The following SH3RF3 variants were observed in gnomAD, a reference collection of about 807,000 sequenced individuals.
The protein encoded by SH3RF3 is SH3 domain containing ring finger 3.
In SH3RF3, 29 loss-of-function variants were observed where a neutral mutation model predicts 66.3. The observed-to-expected ratio is 0.44, with a 90% confidence interval of 0.33 to 0.60. The LOEUF (loss-of-function observed/expected upper bound fraction) is 0.60, where lower values mean the gene tolerates loss of function less well. Among genes scored for constraint, SH3RF3 ranks in the 20% least tolerant of loss-of-function variants. SH3RF3 has a pLI of 0.04. For missense variants in SH3RF3, 1,194 were observed against 1,190.9 expected (o/e 1.00, Z -0.04); for synonymous variants, 583 against 532.0 (o/e 1.10, Z -1.32).
chr2:109,277,156 G>A (rs1680776436), intron 1 of SH3RF3, among the ~76,000 whole-genome samples: 1 of 152,278 alleles, frequency 6.6e-6, no homozygotes. Context: ...TCAGCCTTCT[G>A]TATCTTCATT....
chr2:109,347,161 T>G (rs1682729115), intron 1 of SH3RF3, among the ~76,000 whole-genome samples: 1 of 152,336 alleles, frequency 6.6e-6, no homozygotes, highest in South Asian at 2.1e-4. Flanking sequence ...AAAAAATGGT[T>G]GGATACTTGC....
intron 1 of SH3RF3, among the ~76,000 whole-genome samples, chr2:109,249,528 TTTCTTTCCTTCCTTCCTTCC>T (rs1680018708): frequency 9.6e-6 from 1 of 103,812 alleles, no homozygotes; most frequent in Non-Finnish European, 2.0e-5. Context: ...TTTTTCTTTC[TTTCTTTCCTTCCTTCCTTCC>T]TTCCTTCCTT....
chr2:109,143,902 A>G (rs1044375969), intron 1 of SH3RF3, among the ~76,000 whole-genome samples: 1 of 152,208 alleles, frequency 6.6e-6, no homozygotes. Flanking sequence ...TTGTGATGGC[A>G]TGGATGAGCC....
intron 1 of SH3RF3, among the ~76,000 whole-genome samples, chr2:109,293,374 A>G (rs182024380): frequency 6.6e-6 from 1 of 152,238 alleles, no homozygotes; most frequent in Non-Finnish European, 1.5e-5. Context: ...AATCTGGGAA[A>G]GGGGCTGCAG....
At chr2:109,249,543 C>T (rs1260044197) in intron 1 of SH3RF3, among the ~76,000 whole-genome samples, 4 of 110,372 alleles carry the variant, frequency 3.6e-5, no homozygotes, top group African/African-American at 1.5e-4. Flanking sequence ...TTCCTTCCTT[C>T]CTTCCTTCCT....
At chr2:109,410,434 C>G (rs1676558624) in intron 4 of SH3RF3, among the ~76,000 whole-genome samples, 1 of 152,226 alleles carries the variant, frequency 6.6e-6, no homozygotes, top group South Asian at 2.1e-4. Flanking sequence ...GCTCCGTGCA[C>G]CCAGGGGGCA....
chr2:109,338,611 G>T (rs1682483251), intron 1 of SH3RF3, among the ~76,000 whole-genome samples: 1 of 152,186 alleles, frequency 6.6e-6, no homozygotes, highest in African/African-American at 2.4e-5. Flanking sequence ...AGACTGGAAT[G>T]CAGTGGTACG....
Position 109,154,085 on chromosome 2 carries a change from A to G in SH3RF3, c.573+23972A>G, listed in dbSNP as rs186620374. ...ATGCATCAAAGTATGAACACTGTCA[A>G]TATGCTGTGGTTGCCAGACTTTTAT... is the stretch of plus-strand genomic sequence containing the variant. On this transcript the variant is annotated intron_variant, in intron 1 of 9. Coordinates refer to ENST00000309415, the MANE Select transcript of SH3RF3 (RefSeq NM_001099289.3). Among the ~76,000 whole-genome samples the G allele has an allele frequency of 1.4e-4, 21 of 152,294 alleles. No individual in the cohort carries two copies. The East Asian group carries it at 3.7e-3, about 27-fold the overall frequency.
chr2:109,199,603 G>GTTCC (rs1678605742), intron 1 of SH3RF3, among the ~76,000 whole-genome samples: 5 of 252 alleles, frequency 0.02, no homozygotes, highest in Non-Finnish European at 0.025. Flanking sequence ...GGAATGGAAT[G>GTTCC]GAATGGAATG....
chr2:109,403,506 G>T lies in SH3RF3; in HGVS notation c.1299+4563G>T, dbSNP rs894200986. Among the ~76,000 whole-genome samples, 6 of 152,238 alleles carry T rather than the reference G, an allele frequency of 3.9e-5. 1 individual carries two copies. The highest frequency in any genetic ancestry group is 3.3e-4 in the Admixed American group (5 of 15,288). ...CCTGGCCTTCCAGGGCCCCACTCTT[G>T]TCAGGACATGGTTATCACTTAACTT... On this transcript the variant is annotated intron_variant, in intron 4 of 9. Transcript: ENST00000309415.
chr2:109,408,146 G>T (rs990942998), intron 4 of SH3RF3, among the ~76,000 whole-genome samples: 1 of 152,172 alleles, frequency 6.6e-6, no homozygotes. Context: ...GCCACATCCT[G>T]CAGGGATCCA....
At chr2:109,248,690 ATTTC>A (rs1415053616) in intron 1 of SH3RF3, among the ~76,000 whole-genome samples, 3 of 151,888 alleles carry the variant, frequency 2.0e-5, no homozygotes, top group Non-Finnish European at 4.4e-5. Context: ...GAAGTACTGC[ATTTC>A]TTTCCTTTCC....
intron 2 of SH3RF3, among the ~76,000 whole-genome samples, chr2:109,367,789 T>A (rs937431105): frequency 3.3e-5 from 5 of 152,244 alleles, no homozygotes; most frequent in Non-Finnish European, 7.3e-5. Flanking sequence ...TTCTGCACAC[T>A]TGATTTTTCT....
At chr2:109,345,898 TTA>T (rs539344377) in intron 1 of SH3RF3, among the ~76,000 whole-genome samples, 7 of 152,314 alleles carry the variant, frequency 4.6e-5, no homozygotes, top group African/African-American at 1.7e-4. Flanking sequence ...TCTTTACTTG[TTA>T]CATGTTGGTA....
intron 1 of SH3RF3, among the ~76,000 whole-genome samples, chr2:109,313,812 G>A (rs996660173): frequency 2.0e-5 from 3 of 152,250 alleles, no homozygotes; most frequent in Non-Finnish European, 4.4e-5. Flanking sequence ...GAAACAGAGG[G>A]GCTTATTCCA....
rs1244082462 is a variant in SH3RF3, at chr2:109,449,360, A to G, written c.2019A>G (p.Ser673=). The G allele has an allele frequency of 6.2e-7, 1 of 1,609,122 alleles. No homozygotes were observed. The highest frequency in any genetic ancestry group is 1.3e-5 in the African/African-American group (1 of 74,958). The stretch of plus-strand genomic sequence containing the variant: ...CCATCCCCCTCACATCAGCAGCATC[A>G]GCCATCACACCTCCCAACGTCAGTG... ...RPAIPLTSAA[S]AITPPNVSAA... Residue 673 remains serine, a synonymous_variant, in exon 8 of 10, where the codon TCA becomes TCG. Coordinates refer to ENST00000309415, the MANE Select transcript of SH3RF3 (RefSeq NM_001099289.3).
chr2:109,438,123 C>T (rs1231943329), intron 7 of SH3RF3, among the ~76,000 whole-genome samples: 1 of 152,206 alleles, frequency 6.6e-6, no homozygotes, highest in African/African-American at 2.4e-5. Flanking sequence ...CAGAAAGCAG[C>T]TTCTCAAGTG....
rs1397630203 is a variant in SH3RF3, at chr2:109,309,629, T to C, written c.574-38045T>C. On this transcript the variant is annotated intron_variant, in intron 1 of 9. Coordinates refer to ENST00000309415, the MANE Select transcript of SH3RF3 (RefSeq NM_001099289.3). Reference sequence around the variant, plus strand: ...CCCATCTCACGTGCAGAGACACACATAGGCTGAAAATAAAAGGATGGAGGA... The same window carrying C: ...CCCATCTCACGTGCAGAGACACACACAGGCTGAAAATAAAAGGATGGAGGA... Among the ~76,000 whole-genome samples, 2 of 98,346 alleles carry C rather than the reference T, an allele frequency of 2.0e-5. 1 individual carries two copies. Among genetic ancestry groups the C allele is most frequent in the East Asian group, 5.2e-4 (2 of 3,850 alleles). 64.5% of individuals were successfully genotyped at this position (98,346 alleles called of 152,430 possible).
intron 1 of SH3RF3, among the ~76,000 whole-genome samples, chr2:109,279,130 T>C (rs1680825503): frequency 6.6e-6 from 1 of 152,180 alleles, no homozygotes; most frequent in African/African-American, 2.4e-5. Context: ...TGGAAAACCA[T>C]CCATGGGATA....
Sources: gnomAD v4.1 joint callset for allele counts (sites outside exome capture counted in the v4.1 genomes callset) on GRCh38, gnomAD v4.1.1 for gene constraint, MANE v1.5 for transcripts, NCBI Gene and HGNC (gene_info 2026-07-23, HGNC 2026-07-21) for gene names.